Variants in SUMF1 observed in about 807,000 individuals in gnomAD.
SUMF1 encodes sulfatase modifying factor 1.
SUMF1 carries 48 observed loss-of-function variants against 47.6 expected under a neutral mutation model. The ratio of observed to expected loss-of-function variants is 1.01; its 90% CI spans 0.80 to 1.28. SUMF1 has a LOEUF of 1.28. Among genes scored for constraint, SUMF1 ranks in the 50% most tolerant of loss-of-function variants. The probability of loss-of-function intolerance (pLI) is 0.00; values close to 1 mark genes in which losing one functional copy is unlikely to be tolerated. For synonymous variants in SUMF1, 230 were observed against 192.1 expected, an observed-to-expected ratio of 1.20 and a Z score of -1.63; for missense variants, 571 against 485.4, an observed-to-expected ratio of 1.18 and a Z score of -1.66.
rs886058518 is a variant in SUMF1, at chr3:4,376,395, G to C, written c.955-6C>G. ...TTCCCAGAAGGGGGACCTTTCTACA[G>C]ATGAAGAAAAAAGGCTATGTTAGAC... On this transcript the variant is annotated splice_polypyrimidine_tract_variant and splice_region_variant and intron_variant, in intron 7 of 8. Transcript: ENST00000272902. 1 of 1,614,058 alleles carries C rather than the reference G, an allele frequency of 6.2e-7. No individual in the cohort carries two copies. The highest frequency in any genetic ancestry group is 8.5e-7 in the Non-Finnish European group (1 of 1,179,934).
chr3:4,113,020 C>T (rs755607601), intron 8 of SUMF1, among the ~76,000 whole-genome samples: 1 of 151,996 alleles, frequency 6.6e-6, no homozygotes, highest in Non-Finnish European at 1.5e-5. Context: ...GTCCTCATCA[C>T]TCATTGAGAA....
chr3:4,409,767 T>C (rs1224613779), intron 7 of SUMF1, among the ~76,000 whole-genome samples: 1 of 152,208 alleles, frequency 6.6e-6, no homozygotes, highest in African/African-American at 2.4e-5. Context: ...CTCAGCTTTT[T>C]TATCTGCAGC....
At chr3:4,175,817 G>T (rs770798535) in intron 8 of SUMF1, among the ~76,000 whole-genome samples, 1 of 152,110 alleles carries the variant, frequency 6.6e-6, no homozygotes, top group Admixed American at 6.5e-5. Context: ...TGGCTAACTA[G>T]AATAAACAGT....
At chr3:4,328,999 A>C (rs1362374460) in intron 8 of SUMF1, among the ~76,000 whole-genome samples, 1 of 152,196 alleles carries the variant, frequency 6.6e-6, no homozygotes, top group Admixed American at 6.5e-5. Flanking sequence ...CCAAATCTTA[A>C]AGCTCCAAAA....
intron 1 of SUMF1, 149 bp downstream of exon 1, chr3:4,466,826 AG>A: frequency 8.1e-7 from 1 of 1,231,128 alleles, no homozygotes; most frequent in South Asian, 1.6e-5. Context: ...GGCACGGAGA[AG>A]GAACTCCTCA....
rs187783424 is a variant in SUMF1, at chr3:4,124,122, C to G, written c.1015-55377G>C. Among the ~76,000 whole-genome samples the G allele has an allele frequency of 9.2e-5, 14 of 152,182 alleles. No individual in the cohort carries two copies. The East Asian group carries it at 2.7e-3, about 29-fold the overall frequency. On this transcript the variant is annotated intron_variant and NMD_transcript_variant, in intron 8 of 12. Coordinates refer to the SUMF1 transcript ENST00000448413. ...GAAAGCTACATCAATTTCTTTTTGT[C>G]TTTTTCTTTCCAAAAAATAAAAATC...
rs772282683 is a variant in SUMF1, at chr3:4,130,359, G to A, written c.1015-61614C>T. On this transcript the variant is annotated intron_variant and NMD_transcript_variant, in intron 8 of 12. Coordinates refer to the SUMF1 transcript ENST00000448413. ...GGCCCACCAGAAGCAATTTGCCTTC[G>A]GCTAGCAAGGCCAGCAATATACGTT... 8.5e-5 allele frequency among the ~76,000 whole-genome samples: 13 copies of A among 152,226 alleles called. No homozygotes were observed. The South Asian group carries it at 1.2e-3, about 15-fold the overall frequency.
chr3:4,360,686 A>C (rs188967676), downstream of SUMF1, among the ~76,000 whole-genome samples: 13 of 152,274 alleles, frequency 8.5e-5, no homozygotes, highest in Non-Finnish European at 1.3e-4. Flanking sequence ...GCTAAGCACA[A>C]AAGTAGCATT....
intron 8 of SUMF1, among the ~76,000 whole-genome samples, chr3:4,238,956 G>T (rs187878782): frequency 1.3e-5 from 2 of 152,216 alleles, no homozygotes; most frequent in East Asian, 3.9e-4. Context: ...TTTCTATAAG[G>T]TGTAAGGAAG....
At chr3:4,064,053 G>A (rs766064606) in intron 9 of SUMF1, among the ~76,000 whole-genome samples, 8 of 152,062 alleles carry the variant, frequency 5.3e-5, no homozygotes, top group Non-Finnish European at 8.8e-5. Context: ...CCTGTCAGAG[G>A]CATTTGAACC....
intron 8 of SUMF1, among the ~76,000 whole-genome samples, chr3:4,139,534 T>G (rs1197253116): frequency 6.7e-6 from 1 of 150,302 alleles, no homozygotes; most frequent in Admixed American, 6.7e-5. Context: ...TGCATGTGTG[T>G]GTGTATATAT....
chr3:4,385,902 T>C (rs1700656359), intron 7 of SUMF1, among the ~76,000 whole-genome samples: 1 of 152,220 alleles, frequency 6.6e-6, no homozygotes, highest in Non-Finnish European at 1.5e-5. Context: ...CTTCATTAAA[T>C]TGCTTTGGCA....
intron 8 of SUMF1, among the ~76,000 whole-genome samples, chr3:4,206,080 G>A (rs906712157): frequency 1.3e-5 from 2 of 151,878 alleles, no homozygotes; most frequent in Admixed American, 1.3e-4. Flanking sequence ...CCTGAAATGA[G>A]GGCTTCAGGA....
chr3:4,283,999 ATT>A (rs1697580190), intron 8 of SUMF1, among the ~76,000 whole-genome samples: 2 of 152,106 alleles, frequency 1.3e-5, no homozygotes, highest in Non-Finnish European at 2.9e-5. Flanking sequence ...CTCACTCCCC[ATT>A]ATCATCACCT....
intron 8 of SUMF1, among the ~76,000 whole-genome samples, chr3:4,247,553 G>A (rs367695429): frequency 6.6e-6 from 1 of 151,310 alleles, no homozygotes; most frequent in Non-Finnish European, 1.5e-5. Flanking sequence ...AGGGAAAGAG[G>A]GGGTAAGAAG....
At chr3:4,050,801 G>GA (rs1283298432) in intron 9 of SUMF1, among the ~76,000 whole-genome samples, 1 of 143,850 alleles carries the variant, frequency 7.0e-6, no homozygotes, top group Non-Finnish European at 1.5e-5. Flanking sequence ...AAAAGAAAAA[G>GA]AAAAATGTAA....
intron 8 of SUMF1, among the ~76,000 whole-genome samples, chr3:4,278,605 T>A (rs995588339): frequency 6.6e-6 from 1 of 152,080 alleles, no homozygotes; most frequent in South Asian, 2.1e-4. Context: ...AGGAGTGTTA[T>A]TAAAACAGAC....
chr3:4,092,117 A>T (rs1012079611), intron 8 of SUMF1, among the ~76,000 whole-genome samples: 1 of 152,028 alleles, frequency 6.6e-6, no homozygotes, highest in Non-Finnish European at 1.5e-5. Flanking sequence ...TCAACAATCA[A>T]TTCTTTAGTC....
At chr3:4,124,598 A>C (rs1191484166) in intron 8 of SUMF1, among the ~76,000 whole-genome samples, 1 of 152,044 alleles carries the variant, frequency 6.6e-6, no homozygotes, top group African/African-American at 2.4e-5. Context: ...ATGAAGGAAA[A>C]AAAAAAAGAG....
Sources: allele counts gnomAD v4.1 joint callset (sites outside exome capture counted in the v4.1 genomes callset), GRCh38; gene constraint gnomAD v4.1.1; transcripts MANE v1.5; gene names NCBI Gene and HGNC (gene_info 2026-07-23, HGNC 2026-07-21).